CNTNAP2: variants seen among roughly 807,000 people sequenced by gnomAD.
CNTNAP2 encodes contactin associated protein 2, also known as contactin-associated protein-like 2.
Under a neutral mutation model 155.2 loss-of-function variants are expected in CNTNAP2, and 98 were observed. The observed-to-expected ratio is 0.63, with a 90% CI of 0.54 to 0.75. CNTNAP2 has a LOEUF of 0.75. Ranked by LOEUF, CNTNAP2 falls within the 30% of genes least tolerant of loss-of-function variation. CNTNAP2 has a pLI of 0.00. For synonymous variants in CNTNAP2, 651 were observed against 631.2 expected (o/e 1.03, Z -0.47); for missense variants, 1,727 against 1,688.1 (o/e 1.02, Z -0.40).
chr7:146,191,766 G>C (rs188473129), intron 1 of CNTNAP2, among the ~76,000 whole-genome samples: 1 of 152,060 alleles, frequency 6.6e-6, no homozygotes, highest in East Asian at 1.9e-4. Context: ...TGTTCTGCCC[G>C]GCTCTCAGGC....
rs143393454 is a variant in CNTNAP2 at position 146,876,601 on chromosome 7, CA to C, written c.402+36698del. Among the ~76,000 whole-genome samples the C allele has an allele frequency of 8.4e-3, 1,275 of 152,216 alleles. 16 individuals carry two copies. Among genetic ancestry groups the C allele is most frequent in the African/African-American group, 0.027 (1,131 of 41,554 alleles). On this transcript the variant is annotated intron_variant, in intron 3 of 23. Transcript: ENST00000361727. ...TTTCATTATTAATCCATTCAACAAC[CA>C]TTTATTAAACCCTTACATTTGTGCC...
At chr7:146,214,762 T>C (rs1799088362) in intron 1 of CNTNAP2, among the ~76,000 whole-genome samples, 1 of 152,162 alleles carries the variant, frequency 6.6e-6, no homozygotes, top group Non-Finnish European at 1.5e-5. Flanking sequence ...AAACAGGCTA[T>C]ATTGCATTGC....
chr7:146,130,387 G>A (rs144944916), intron 1 of CNTNAP2, among the ~76,000 whole-genome samples: 6 of 152,248 alleles, frequency 3.9e-5, no homozygotes, highest in South Asian at 2.1e-4. Context: ...GAAGGATTGC[G>A]TGAGCCCCGG....
chr7:147,670,038 AT>A (rs1795762207), intron 13 of CNTNAP2, among the ~76,000 whole-genome samples: 1 of 151,968 alleles, frequency 6.6e-6, no homozygotes, highest in Non-Finnish European at 1.5e-5. Context: ...CTCATATTCT[AT>A]TTTCTTTCAT....
intron 3 of CNTNAP2, among the ~76,000 whole-genome samples, chr7:146,859,190 A>C (rs919391026): frequency 3.3e-5 from 5 of 152,252 alleles, no homozygotes; most frequent in African/African-American, 1.2e-4. Context: ...ACAGAGAACA[A>C]GTCAAATCTT....
At chr7:148,401,047 C>T (rs535582127) in intron 22 of CNTNAP2, among the ~76,000 whole-genome samples, 4 of 151,946 alleles carry the variant, frequency 2.6e-5, no homozygotes, top group Admixed American at 2.0e-4. Context: ...AATATCTGTA[C>T]GTGTTCAGTA....
At chr7:146,351,034 T>C (rs1487735529) in intron 1 of CNTNAP2, among the ~76,000 whole-genome samples, 4 of 49,438 alleles carry the variant, frequency 8.1e-5, no homozygotes, top group African/African-American at 3.1e-4. Context: ...TGTTGTGGGG[T>C]GGGGGGAGGG....
intron 12 of CNTNAP2, among the ~76,000 whole-genome samples, chr7:147,625,010 A>G (rs987497682): frequency 6.6e-6 from 1 of 152,222 alleles, no homozygotes; most frequent in African/African-American, 2.4e-5. Context: ...AGGCACAGAA[A>G]GACAAACATC....
At chr7:147,860,625 GCTCT>G (rs886549058) in intron 13 of CNTNAP2, among the ~76,000 whole-genome samples, 1 of 148,946 alleles carries the variant, frequency 6.7e-6, no homozygotes, top group Non-Finnish European at 1.5e-5. Context: ...TTTCCTCCTT[GCTCT>G]CTCTCTCTCT....
At chr7:146,824,352 G>C (rs1227438449) in intron 2 of CNTNAP2, among the ~76,000 whole-genome samples, 1 of 152,140 alleles carries the variant, frequency 6.6e-6, no homozygotes, top group Non-Finnish European at 1.5e-5. Context: ...AAACATATGT[G>C]TGCATGTGTC....
intron 1 of CNTNAP2, among the ~76,000 whole-genome samples, chr7:146,227,670 A>G (rs1423957925): frequency 6.6e-6 from 1 of 152,306 alleles, no homozygotes; most frequent in East Asian, 1.9e-4. Flanking sequence ...AAGAGTGCAG[A>G]GAACAGGTGT....
rs150799302 is a variant in CNTNAP2, at chr7:146,566,315, C to G, written c.98-207956C>G. On this transcript the variant is annotated intron_variant, in intron 1 of 23. Transcript: ENST00000361727. ...GATTTATCTTTCAATTTCCATGAAG[C>G]AAGTGGCTAGGTATTTTGTTATTTC... 2.6e-3 allele frequency among the ~76,000 whole-genome samples: 395 copies of G among 152,254 alleles called. 2 individuals carry two copies. Among genetic ancestry groups the G allele is most frequent in the African/African-American group, 9.1e-3 (378 of 41,540 alleles).
At position 146,601,212 on chromosome 7, in the gene CNTNAP2, C is replaced by T. The variant is rs576208590; in HGVS notation, c.98-173059C>T. Among the ~76,000 whole-genome samples the T allele has an allele frequency of 1.6e-4, 24 of 152,084 alleles. No homozygotes were observed. The South Asian group carries it at 5.0e-3, about 32-fold the overall frequency. The stretch of plus-strand genomic sequence containing the variant: ...AATGACATTAATGAACTTTGCAAAC[C>T]GAGTTCAATTCCAGAAATGGGTACT... On this transcript the variant is annotated intron_variant, in intron 1 of 23. Coordinates refer to ENST00000361727, the MANE Select transcript of CNTNAP2 (RefSeq NM_014141.6).
chr7:146,576,922 G>A lies in CNTNAP2; in HGVS notation c.98-197349G>A, dbSNP rs546587479. ...AATGCCTAACTCCTAAGAGTGGTGA[G>A]GGCTCCACCATAATAACTACACATG... On this transcript the variant is annotated intron_variant, in intron 1 of 23. Transcript: ENST00000361727. 2.0e-5 allele frequency among the ~76,000 whole-genome samples: 3 copies of A among 152,092 alleles called. No individual in the cohort carries two copies. In the East Asian group the frequency reaches 5.8e-4, roughly 29 times the overall value.
chr7:146,583,887 C>G (rs1433199032), intron 1 of CNTNAP2, among the ~76,000 whole-genome samples: 1 of 152,066 alleles, frequency 6.6e-6, no homozygotes, highest in Non-Finnish European at 1.5e-5. Flanking sequence ...TCTCCTTGTA[C>G]TAGAGCTGGT....
intron 1 of CNTNAP2, among the ~76,000 whole-genome samples, chr7:146,160,657 A>G (rs887081641): frequency 3.7e-4 from 56 of 152,200 alleles, no homozygotes; most frequent in African/African-American, 1.4e-3. Context: ...ACCAAGAAGA[A>G]GTTGAATCCC....
At chr7:147,769,668 A>G (rs1389507027) in intron 13 of CNTNAP2, among the ~76,000 whole-genome samples, 1 of 152,114 alleles carries the variant, frequency 6.6e-6, no homozygotes, top group African/African-American at 2.4e-5. Flanking sequence ...TGACTAGTAT[A>G]TTTTTCTCCA....
intron 1 of CNTNAP2, among the ~76,000 whole-genome samples, chr7:146,206,358 G>A (rs542267880): frequency 1.3e-5 from 2 of 151,900 alleles, no homozygotes; most frequent in East Asian, 1.9e-4. Flanking sequence ...TTTCTGAAAC[G>A]TATCATTTCA....
intron 11 of CNTNAP2, among the ~76,000 whole-genome samples, chr7:147,534,903 A>T (rs778109417): frequency 1.3e-5 from 2 of 151,916 alleles, no homozygotes; most frequent in Middle Eastern, 3.4e-3. Context: ...ATTTCCCCTC[A>T]CTTGCAGAAA....
Sources: gnomAD v4.1 joint callset for allele counts (sites outside exome capture counted in the v4.1 genomes callset) on GRCh38, gnomAD v4.1.1 for gene constraint, MANE v1.5 for transcripts, NCBI Gene and HGNC (gene_info 2026-07-23, HGNC 2026-07-21) for gene names.